The following PTH2R variants were observed in gnomAD, a reference collection of about 807,000 sequenced individuals.
PTH2R encodes the protein parathyroid hormone 2 receptor.
Under a neutral mutation model 60.3 loss-of-function variants are expected in PTH2R, and 59 were observed. That is an observed-to-expected ratio of 0.98 (90% CI 0.79 to 1.22). PTH2R has a LOEUF of 1.22. PTH2R is among the 50% of genes most tolerant of loss of function. The pLI, the probability that PTH2R is intolerant of heterozygous loss-of-function variation, is 0.00. For synonymous variants in PTH2R, 256 were observed against 243.8 expected, an observed-to-expected ratio of 1.05 and a Z score of -0.47; for missense variants, 749 against 682.6, an observed-to-expected ratio of 1.10 and a Z score of -1.08.
intron 7 of PTH2R, among the ~76,000 whole-genome samples, chr2:208,449,543 A>G (rs551041909): frequency 1.4e-4 from 21 of 152,302 alleles, no homozygotes; most frequent in African/African-American, 5.0e-4. Flanking sequence ...AAAAATTCCT[A>G]GAACACAGAA....
intron 11 of PTH2R, among the ~76,000 whole-genome samples, chr2:208,489,408 C>T (rs971192022): frequency 6.6e-6 from 1 of 152,096 alleles, no homozygotes; most frequent in African/African-American, 2.4e-5. Context: ...AGATAAGGAA[C>T]ATCTTGTTGT....
chr2:208,404,722 G>A (rs1701369824), upstream of PTH2R, among the ~76,000 whole-genome samples: 2 of 152,018 alleles, frequency 1.3e-5, no homozygotes, highest in Admixed American at 6.6e-5. Context: ...AAAAACCCTC[G>A]CCTTGGGGAG....
chr2:208,368,014 A>C (rs1313891534), intron 1 of PTH2R, among the ~76,000 whole-genome samples: 2 of 59,982 alleles, frequency 3.3e-5, no homozygotes, highest in East Asian at 1.9e-3. Flanking sequence ...TTTATTCATT[A>C]TCTCTCAAAG....
intron 1 of PTH2R, among the ~76,000 whole-genome samples, chr2:208,422,667 A>T (rs974210247): frequency 6.6e-6 from 1 of 152,088 alleles, no homozygotes; most frequent in African/African-American, 2.4e-5. Flanking sequence ...TTCTTTTTTT[A>T]AAAAATGATT....
chr2:208,391,054 G>T (rs968857580), intron 1 of PTH2R, among the ~76,000 whole-genome samples: 1 of 152,144 alleles, frequency 6.6e-6, no homozygotes, highest in Non-Finnish European at 1.5e-5. Context: ...AAAGAAGAAC[G>T]GTGTAAGGCC....
chr2:208,476,339 A>AT (rs972409796), intron 9 of PTH2R, among the ~76,000 whole-genome samples: 2 of 152,108 alleles, frequency 1.3e-5, no homozygotes, highest in African/African-American at 2.4e-5. Flanking sequence ...TACCAAATTG[A>AT]TTTTTCCCCC....
intron 1 of PTH2R, among the ~76,000 whole-genome samples, chr2:208,427,974 C>G (rs895504640): frequency 6.6e-6 from 1 of 151,428 alleles, no homozygotes; most frequent in Non-Finnish European, 1.5e-5. Flanking sequence ...AAAATTTTCT[C>G]ACTTTTTCTG....
At position 208,489,170 on chromosome 2, in the gene PTH2R, C is replaced by A. The variant is rs1703346544; in HGVS notation, c.1215+20C>A. 6.2e-7 allele frequency: 1 copy of A among 1,612,988 alleles called. No individual in the cohort carries two copies. On this transcript the variant is annotated intron_variant, in intron 11 of 12. Coordinates refer to ENST00000272847, the MANE Select transcript of PTH2R (RefSeq NM_005048.4). ...TTTCAGGTAAAGGGTGCTGCCTAGTCATCTGATTCTTGTAATTTGCAGTTT... is the reference window on the plus strand; with the variant it reads ...TTTCAGGTAAAGGGTGCTGCCTAGTAATCTGATTCTTGTAATTTGCAGTTT...
intron 1 of PTH2R, among the ~76,000 whole-genome samples, chr2:208,427,112 AG>A: frequency 6.6e-6 from 1 of 152,346 alleles, no homozygotes; most frequent in Middle Eastern, 3.4e-3. Context: ...TGATAATTGA[AG>A]TCAAATTTCT....
chr2:208,404,164 G>A (rs1574842380), upstream of PTH2R, among the ~76,000 whole-genome samples: 1 of 152,200 alleles, frequency 6.6e-6, no homozygotes, highest in South Asian at 2.1e-4. Context: ...ACAAGCTTGA[G>A]TTGGGGCTGT....
intron 9 of PTH2R, among the ~76,000 whole-genome samples, chr2:208,472,688 T>A (rs10193961): frequency 0.12 from 18,275 of 152,218 alleles, 1,611 homozygotes; most frequent in African/African-American, 0.26. Context: ...GGTATGTCTT[T>A]ATCAGCAGCA....
intron 9 of PTH2R, among the ~76,000 whole-genome samples, chr2:208,477,040 T>G (rs764779474): frequency 6.6e-6 from 1 of 152,198 alleles, no homozygotes; most frequent in Non-Finnish European, 1.5e-5. Flanking sequence ...TGAAGGGGGA[T>G]GTGCTGATTT....
intron 10 of PTH2R, among the ~76,000 whole-genome samples, chr2:208,488,045 G>A (rs1434957636): frequency 6.6e-6 from 1 of 152,174 alleles, no homozygotes; most frequent in African/African-American, 2.4e-5. Context: ...AATAGCAGGA[G>A]GGGGGATCAT....
At chr2:208,404,233 T>C (rs1214418958), upstream of PTH2R, among the ~76,000 whole-genome samples, 3 of 152,106 alleles carry the variant, frequency 2.0e-5, no homozygotes, top group African/African-American at 7.2e-5. Flanking sequence ...AGACAGAACA[T>C]TGGTAATTTA....
chr2:208,482,444 G>C (rs1489199873), intron 10 of PTH2R, among the ~76,000 whole-genome samples: 1 of 152,142 alleles, frequency 6.6e-6, no homozygotes, highest in East Asian at 1.9e-4. Context: ...AGGGTCGTTT[G>C]ATTATGAGGT....
chr2:208,430,569 C>T (rs561128731), intron 2 of PTH2R, among the ~76,000 whole-genome samples: 3 of 129,702 alleles, frequency 2.3e-5, no homozygotes, highest in African/African-American at 6.0e-5. Context: ...TTTTTTGAGA[C>T]GGAGTCTCGC....
intron 9 of PTH2R, among the ~76,000 whole-genome samples, chr2:208,467,284 C>T (rs963095285): frequency 1.3e-5 from 2 of 151,530 alleles, no homozygotes; most frequent in Non-Finnish European, 1.5e-5. Flanking sequence ...TCTTTTTTTT[C>T]CCCCTAGCTT....
At chr2:208,359,990 G>A (rs1485756615) in exon 1 of PTH2R, 1 of 297,718 alleles carries the variant, frequency 3.4e-6, no homozygotes, top group African/African-American at 2.2e-5. Context: ...TGGGGCTTGG[G>A]AGGCAGCCTG....
At chr2:208,493,204 A>T in intron 12 of PTH2R, 60 bp from the exon 13 acceptor site, 1 of 1,387,502 alleles carries the variant, frequency 7.2e-7, no homozygotes, top group Non-Finnish European at 9.4e-7. Flanking sequence ...ACATCTTTGT[A>T]ACAAGGCTGC....
Sources: gnomAD v4.1 joint callset for allele counts (sites outside exome capture counted in the v4.1 genomes callset) on GRCh38, gnomAD v4.1.1 for gene constraint, MANE v1.5 for transcripts, NCBI Gene and HGNC (gene_info 2026-07-23, HGNC 2026-07-21) for gene names.